Variants in INO80D observed in about 807,000 individuals in gnomAD.
INO80D encodes the protein INO80 complex subunit D.
A neutral mutation model predicts 87.6 loss-of-function variants in INO80D; 21 were observed. The observed-to-expected ratio is 0.24, with a 90% CI of 0.17 to 0.35. INO80D has a LOEUF of 0.35. Among genes scored for constraint, INO80D ranks in the 10% least tolerant of loss-of-function variants. The probability of loss-of-function intolerance (pLI) is 1.00; values close to 1 mark genes in which losing one functional copy is unlikely to be tolerated. For synonymous variants in INO80D, 440 were observed against 491.0 expected (o/e 0.90, Z 1.37); for missense variants, 982 against 1,280.7 (o/e 0.77, Z 3.56).
At chr2:206,058,045 T>C (rs1228050273) in intron 3 of INO80D, among the ~76,000 whole-genome samples, 1 of 152,190 alleles carries the variant, frequency 6.6e-6, no homozygotes, top group Non-Finnish European at 1.5e-5. Context: ...CTGGATGGTC[T>C]TGAAGCTTGT....
chr2:206,038,293 A>C (rs1688944075), intron 5 of INO80D, among the ~76,000 whole-genome samples: 1 of 152,218 alleles, frequency 6.6e-6, no homozygotes, highest in Non-Finnish European at 1.5e-5. Flanking sequence ...GTGTATTAGA[A>C]TATTTGTGGT....
intron 1 of INO80D, among the ~76,000 whole-genome samples, chr2:206,066,562 T>G (rs1689820100): frequency 6.6e-6 from 1 of 152,154 alleles, no homozygotes; most frequent in Non-Finnish European, 1.5e-5. Flanking sequence ...TCCTAGCACT[T>G]TGGGAGGCCA....
intron 5 of INO80D, among the ~76,000 whole-genome samples, chr2:206,034,877 A>C (rs1688854960): frequency 6.6e-6 from 1 of 152,212 alleles, no homozygotes; most frequent in Non-Finnish European, 1.5e-5. Flanking sequence ...TAGAACTGAT[A>C]AAAGAATTCA....
intron 1 of INO80D, among the ~76,000 whole-genome samples, chr2:206,077,117 CA>C (rs897796224): frequency 6.7e-5 from 10 of 148,548 alleles, no homozygotes; most frequent in African/African-American, 1.2e-4. Flanking sequence ...ACTAAAAATA[CA>C]AAAAAAAAAT....
Position 206,009,753 on chromosome 2 carries a change from G to C in INO80D, c.1584C>G (p.His528Gln), listed in dbSNP as rs540647686. The change falls in exon 9 of 11, where the codon CAC (histidine) becomes CAG (glutamine). Residue 528 changes from histidine to glutamine, a missense_variant. By Grantham distance (24) the His-to-Gln change is conservative (BLOSUM62 0). Transcript: ENST00000403263. ...LRGDNSRKVQ[H>Q]QQQRKPRKKT... ...TTTTCCTGGGTTTCCTCTGCTGCTG[G>C]TGCTGAACTTTACGGGAGTTATCTC... 2.5e-6 allele frequency: 4 copies of C among 1,613,650 alleles called. No homozygotes were observed. In the South Asian group the frequency reaches 4.4e-5, roughly 18 times the overall value.
Position 206,046,489 on chromosome 2 carries a change from G to T in INO80D, c.1073+15C>A. ...TCTCAAAAAAAAAAGAATAAAAACA[G>T]AACAGAAGACTTACGCATGTCTTTG... is the stretch of plus-strand genomic sequence containing the variant. On this transcript the variant is annotated intron_variant, in intron 5 of 10. Transcript: ENST00000403263. The T allele has an allele frequency of 1.3e-6, 2 of 1,508,386 alleles. No homozygotes were observed. Among genetic ancestry groups the T allele is most frequent in the Non-Finnish European group, 1.8e-6 (2 of 1,084,406 alleles). The allele number at this position is 1,508,386 out of a possible 1,614,324, so 93.4% of individuals were successfully genotyped here. A position where few individuals can be genotyped will look rare whatever the true frequency, so the allele number is the denominator to read the frequency against.
chr2:206,006,174 T>G (rs140681244), intron 10 of INO80D, among the ~76,000 whole-genome samples: 1 of 152,332 alleles, frequency 6.6e-6, no homozygotes, highest in African/African-American at 2.4e-5. Flanking sequence ...TTGATTTCAT[T>G]TCTAATATTT....
At position 206,028,174 on chromosome 2, in the gene INO80D, T is replaced by C. The variant is rs1417343285; in HGVS notation, c.1235A>G (p.Lys412Arg). ...FRKALLQAAS[K>R]EPECTGQLIQ... is the part of the protein sequence containing the mutation. Reference sequence around the variant, plus strand: ...TAACTGACCAGTGCATTCTGGTTCTTTACTGGCCGCCTGCAGCAAAGCTTT... The same window carrying C: ...TAACTGACCAGTGCATTCTGGTTCTCTACTGGCCGCCTGCAGCAAAGCTTT... Residue 412 changes from lysine (K) to arginine (R), a missense_variant, in exon 6 of 11, where the codon AAA (lysine) becomes AGA (arginine). By Grantham distance (26) the Lys-to-Arg change is conservative. Transcript: ENST00000403263. 6.3e-7 allele frequency: 1 copy of C among 1,589,654 alleles called. No homozygotes were observed. The highest frequency in any genetic ancestry group is 1.3e-5 in the African/African-American group (1 of 74,492).
chr2:206,008,430 G>A (rs1196869077), intron 9 of INO80D, among the ~76,000 whole-genome samples: 2 of 150,892 alleles, frequency 1.3e-5, no homozygotes, highest in Non-Finnish European at 2.9e-5. Flanking sequence ...ACAGGTGCTC[G>A]CCACCACACC....
At chr2:206,018,308 A>G (rs1176018064) in intron 7 of INO80D, among the ~76,000 whole-genome samples, 1 of 152,020 alleles carries the variant, frequency 6.6e-6, no homozygotes, top group Non-Finnish European at 1.5e-5. Flanking sequence ...CCACATCCAG[A>G]TAATTTATTG....
chr2:206,028,062 A>C, intron 6 of INO80D, 49 bp downstream of exon 6: 4 of 1,318,506 alleles, frequency 3.0e-6, no homozygotes, highest in Non-Finnish European at 4.1e-6. Context: ...CAAAATAAAG[A>C]AAGCAAACTG....
At chr2:206,010,711 C>T (rs967514519) in intron 8 of INO80D, among the ~76,000 whole-genome samples, 3 of 152,032 alleles carry the variant, frequency 2.0e-5, no homozygotes, top group South Asian at 2.1e-4. Flanking sequence ...AGGTTTAATC[C>T]TACTCAAATG....
intron 5 of INO80D, among the ~76,000 whole-genome samples, chr2:206,033,502 A>T (rs1226266616): frequency 6.6e-6 from 1 of 152,210 alleles, no homozygotes; most frequent in Non-Finnish European, 1.5e-5. Flanking sequence ...GGTCAAAAAC[A>T]CAATCAAGAT....
At chr2:206,070,693 C>T (rs938424660) in intron 1 of INO80D, among the ~76,000 whole-genome samples, 3 of 151,546 alleles carry the variant, frequency 2.0e-5, no homozygotes, top group Non-Finnish European at 4.4e-5. Flanking sequence ...GCACTCCAGG[C>T]AACAGAGCAA....
chr2:206,032,047 G>C (rs1319856612), intron 5 of INO80D, among the ~76,000 whole-genome samples: 2 of 152,162 alleles, frequency 1.3e-5, no homozygotes, highest in African/African-American at 4.8e-5. Context: ...AGCTCACTGG[G>C]TCCCCAAGCA....
intron 1 of INO80D, among the ~76,000 whole-genome samples, chr2:206,077,199 C>G (rs560752862): frequency 6.6e-6 from 1 of 151,850 alleles, no homozygotes; most frequent in Non-Finnish European, 1.5e-5. Context: ...ATGGTGTGAA[C>G]CCGGGAGTCG....
At chr2:206,054,157 T>C (rs1300333807) in intron 4 of INO80D, among the ~76,000 whole-genome samples, 1 of 151,658 alleles carries the variant, frequency 6.6e-6, no homozygotes, top group Admixed American at 6.6e-5. Flanking sequence ...TTCTTTTTAA[T>C]AGCTATATAA....
intron 1 of INO80D, among the ~76,000 whole-genome samples, chr2:206,074,067 C>A (rs1690044254): frequency 6.6e-6 from 1 of 152,036 alleles, no homozygotes. Context: ...AAACCTTAGC[C>A]AAACTAAATT....
intron 8 of INO80D, among the ~76,000 whole-genome samples, chr2:206,010,948 C>T (rs766487014): frequency 1.1e-4 from 16 of 151,898 alleles, no homozygotes; most frequent in Non-Finnish European, 1.8e-4. Context: ...CCTGGTGACA[C>T]GTGCATGTAA....
Sources: allele counts gnomAD v4.1 joint callset (sites outside exome capture counted in the v4.1 genomes callset), GRCh38; gene constraint gnomAD v4.1.1; transcripts MANE v1.5; gene names NCBI Gene and HGNC (gene_info 2026-07-23, HGNC 2026-07-21).